Variants in GABRB3 observed in about 807,000 individuals in gnomAD.
GABRB3 encodes the protein gamma-aminobutyric acid type A receptor subunit beta3.
GABRB3 carries 14 observed loss-of-function variants against 52.1 expected under a neutral mutation model. That is an observed-to-expected ratio of 0.27 (90% CI 0.18 to 0.42). The LOEUF (loss-of-function observed/expected upper bound fraction) is 0.42. Among genes scored for constraint, GABRB3 ranks in the 10% least tolerant of loss-of-function variants. GABRB3 has a pLI of 1.00. For missense variants in GABRB3, 307 were observed against 609.1 expected, an observed-to-expected ratio of 0.50 and a Z score of 5.22; for synonymous variants, 260 against 232.3, an observed-to-expected ratio of 1.12 and a Z score of -1.08.
intron 3 of GABRB3, among the ~76,000 whole-genome samples, chr15:26,653,116 T>A (rs1260381611): frequency 6.6e-6 from 1 of 152,186 alleles, no homozygotes; most frequent in Non-Finnish European, 1.5e-5. Flanking sequence ...AGAAACTTAG[T>A]TTATAGTTTA....
rs8036981 is a variant in GABRB3 at position 26,574,881 on chromosome 15, G to A, written c.682+5438C>T. 8.8e-3 allele frequency among the ~76,000 whole-genome samples: 1,336 copies of A among 152,150 alleles called. 28 individuals carry two copies. Among genetic ancestry groups the A allele is most frequent in the African/African-American group, 0.03 (1,257 of 41,496 alleles). On this transcript the variant is annotated intron_variant, in intron 6 of 8. Transcript: ENST00000311550. ...TGCCCTTTAAATGGGTAAATTGTAT[G>A]GTATGCGAATTGTATCTCAATAGAT...
intron 4 of GABRB3, among the ~76,000 whole-genome samples, chr15:26,597,314 T>C (rs1357612754): frequency 3.9e-5 from 6 of 152,310 alleles, no homozygotes; most frequent in South Asian, 4.1e-4. Context: ...CAAGCCATGA[T>C]GTTAAATGAC....
chr15:26,588,322 T>C (rs944073014), intron 4 of GABRB3, among the ~76,000 whole-genome samples: 2 of 152,242 alleles, frequency 1.3e-5, no homozygotes, highest in African/African-American at 4.8e-5. Flanking sequence ...GGAACACCAG[T>C]TGAGCAGTTG....
intron 3 of GABRB3, among the ~76,000 whole-genome samples, chr15:26,712,241 T>C (rs1421881795): frequency 2.6e-5 from 4 of 151,878 alleles, no homozygotes; most frequent in Admixed American, 2.6e-4. Context: ...CTTGAACTCC[T>C]GGCCTCAGGC....
intron 3 of GABRB3, among the ~76,000 whole-genome samples, chr15:26,636,036 A>C (rs1893050948): frequency 6.6e-6 from 1 of 152,204 alleles, no homozygotes; most frequent in Non-Finnish European, 1.5e-5. Context: ...CATCTCTGCA[A>C]GGCATTGCAT....
chr15:26,615,471 C>T, intron 4 of GABRB3: 1 of 986,680 alleles, frequency 1.0e-6, no homozygotes, highest in Non-Finnish European at 1.2e-6. Flanking sequence ...GCTCAAGGGG[C>T]TACAAGAGTC....
intron 3 of GABRB3, among the ~76,000 whole-genome samples, chr15:26,741,745 C>T (rs1276437003): frequency 6.6e-6 from 1 of 151,968 alleles, no homozygotes; most frequent in Non-Finnish European, 1.5e-5. Flanking sequence ...AGTAGGTGAG[C>T]CTACAGGCAT....
At chr15:26,726,784 G>A (rs949427846) in intron 3 of GABRB3, among the ~76,000 whole-genome samples, 4 of 152,140 alleles carry the variant, frequency 2.6e-5, no homozygotes, top group Non-Finnish European at 5.9e-5. Flanking sequence ...ACACTGTAAA[G>A]TCACTGTTTT....
chr15:26,759,419 C>G (rs567553514), intron 3 of GABRB3, among the ~76,000 whole-genome samples: 7 of 152,282 alleles, frequency 4.6e-5, no homozygotes, highest in African/African-American at 1.7e-4. Context: ...CGCCACCATG[C>G]CCAGCTAATT....
At chr15:26,556,273 G>A (rs976584826) in intron 8 of GABRB3, among the ~76,000 whole-genome samples, 5 of 152,090 alleles carry the variant, frequency 3.3e-5, no homozygotes, top group Admixed American at 1.3e-4. Flanking sequence ...GAGATTTTTT[G>A]TTTTTTCCTA....
At chr15:26,684,838 C>T (rs769609110) in intron 3 of GABRB3, among the ~76,000 whole-genome samples, 10 of 152,222 alleles carry the variant, frequency 6.6e-5, no homozygotes, top group African/African-American at 7.2e-5. Flanking sequence ...GATCAAGGAT[C>T]GCTGCTCACA....
chr15:26,706,121 A>G (rs1410149387), intron 3 of GABRB3, among the ~76,000 whole-genome samples: 3 of 152,214 alleles, frequency 2.0e-5, no homozygotes, highest in African/African-American at 7.2e-5. Flanking sequence ...TCAAAAAACT[A>G]AACAAAACAA....
chr15:26,623,966 C>T lies in GABRB3; in HGVS notation c.241-2432G>A, dbSNP rs907606176. ...TTGTGTCCTGATCTGTCGGCCTTGC[C>T]TGACCTAAATAATAATAAAACCTCC... On this transcript the variant is annotated intron_variant, in intron 3 of 8. Coordinates refer to ENST00000311550, the MANE Select transcript of GABRB3 (RefSeq NM_000814.6). Among the ~76,000 whole-genome samples, 5 of 152,288 alleles carry T rather than the reference C, an allele frequency of 3.3e-5. No individual in the cohort carries two copies. The South Asian group carries it at 8.3e-4, about 25-fold the overall frequency.
Position 26,657,913 on chromosome 15 carries a change from C to T in GABRB3, c.241-36379G>A, listed in dbSNP as rs189982075. 2.1e-3 allele frequency among the ~76,000 whole-genome samples: 323 copies of T among 152,256 alleles called. 2 individuals are homozygous for T. Among genetic ancestry groups the T allele is most frequent in the Admixed American group, 6.5e-3 (99 of 15,294 alleles). ...AACAGCCCCTCCCCAAAACAAACCC[C>T]GTTCTTACTTGGAGACCAGACTGCC... is the stretch of plus-strand genomic sequence containing the variant. On this transcript the variant is annotated intron_variant, in intron 3 of 8. Coordinates refer to ENST00000311550, the MANE Select transcript of GABRB3 (RefSeq NM_000814.6).
chr15:26,560,989 C>A lies in GABRB3; in HGVS notation c.1023G>T (p.Lys341Asn). Residue 341 changes from lysine to asparagine, a missense_variant, in exon 8 of 9, where the codon AAG becomes AAT. Transcript: ENST00000311550. ...TTGCCTTGGCTGTCTTTTCTGCAAG[C>A]TTCTTCTGCCTTTGAGGGCCTCTTC... ...FFGRGPQRQK[K>N]LAEKTAKAKN... 9 of 1,614,216 alleles carry A rather than the reference C, an allele frequency of 5.6e-6. No homozygotes were observed. The highest frequency in any genetic ancestry group is 7.6e-6 in the Non-Finnish European group (9 of 1,180,030).
intron 3 of GABRB3, among the ~76,000 whole-genome samples, chr15:26,752,052 C>G (rs917930855): frequency 1.3e-5 from 2 of 151,952 alleles, no homozygotes; most frequent in Non-Finnish European, 2.9e-5. Flanking sequence ...AGTCAACAAC[C>G]TAGTGTTATT....
chr15:26,663,818 T>C (rs1021459409), intron 3 of GABRB3, among the ~76,000 whole-genome samples: 1 of 152,246 alleles, frequency 6.6e-6, no homozygotes, highest in African/African-American at 2.4e-5. Flanking sequence ...CTTGCATTCT[T>C]ATAGATCACA....
chr15:26,648,388 C>T (rs1887079762), intron 3 of GABRB3, among the ~76,000 whole-genome samples: 1 of 152,258 alleles, frequency 6.6e-6, no homozygotes, highest in African/African-American at 2.4e-5. Flanking sequence ...TTTGGAGGTG[C>T]CTGTGGGGCA....
chr15:26,736,996 G>A (rs1306200792), intron 3 of GABRB3, among the ~76,000 whole-genome samples: 3 of 152,198 alleles, frequency 2.0e-5, no homozygotes, highest in African/African-American at 7.2e-5. Context: ...TGGGTTTAAC[G>A]TCCTTGATTT....
Sources: gnomAD v4.1 joint callset for allele counts (sites outside exome capture counted in the v4.1 genomes callset) on GRCh38, gnomAD v4.1.1 for gene constraint, MANE v1.5 for transcripts, NCBI Gene and HGNC (gene_info 2026-07-23, HGNC 2026-07-21) for gene names.